FRMD6: variants seen among roughly 807,000 people sequenced by gnomAD.
FRMD6 encodes the protein FERM domain-containing protein 6.
Under a neutral mutation model 73.2 loss-of-function variants are expected in FRMD6, and 37 were observed. The observed-to-expected ratio is 0.51, with a 90% CI of 0.39 to 0.66. The LOEUF (loss-of-function observed/expected upper bound fraction) is 0.66. Ranked by LOEUF, FRMD6 falls within the 30% of genes least tolerant of loss-of-function variation. The pLI is 0.00. For synonymous variants in FRMD6, 273 were observed against 282.2 expected (o/e 0.97, Z 0.33); for missense variants, 714 against 780.5 (o/e 0.91, Z 1.02).
At chr14:51,410,932 A>G in the FRMD6 span, among the ~76,000 whole-genome samples, 1 of 152,236 alleles carries the variant, frequency 6.6e-6, no homozygotes, top group Non-Finnish European at 1.5e-5. Flanking sequence ...CTCAGCATCT[A>G]GCAGAACATC....
chr14:51,433,918 C>T, the FRMD6 span, among the ~76,000 whole-genome samples: 12,000 of 152,232 alleles, frequency 0.079, 516 homozygotes, highest in East Asian at 0.11. Context: ...CCAAAGACTA[C>T]TGTATGCAAG....
chr14:51,603,698 A>G (rs113988889), intron 2 of FRMD6, among the ~76,000 whole-genome samples: 2,591 of 152,246 alleles, frequency 0.017, 73 homozygotes, highest in African/African-American at 0.06. Context: ...ACTGCCAGTC[A>G]CTAGTTACGT....
the FRMD6 span, among the ~76,000 whole-genome samples, chr14:51,461,272 G>A: frequency 6.6e-6 from 1 of 152,192 alleles, no homozygotes; most frequent in East Asian, 1.9e-4. Context: ...CAAGGTACTT[G>A]ACCATTGAAC....
At chr14:51,410,179 G>T in the FRMD6 span, among the ~76,000 whole-genome samples, 1 of 152,162 alleles carries the variant, frequency 6.6e-6, no homozygotes, top group Non-Finnish European at 1.5e-5. Context: ...CCCAAAATTG[G>T]CATTAAAAAA....
chr14:51,664,519 G>A (rs1297896725), intron 1 of FRMD6, among the ~76,000 whole-genome samples: 3 of 152,210 alleles, frequency 2.0e-5, no homozygotes, highest in African/African-American at 7.2e-5. Context: ...TTTTTGGATA[G>A]TTAGAAGCTC....
chr14:51,679,831 T>C (rs1465364408), intron 1 of FRMD6, among the ~76,000 whole-genome samples: 1 of 152,196 alleles, frequency 6.6e-6, no homozygotes, highest in African/African-American at 2.4e-5. Context: ...TGGAGAAATA[T>C]GTTTTTAATC....
the FRMD6 span, among the ~76,000 whole-genome samples, chr14:51,457,554 G>T: frequency 6.6e-6 from 1 of 152,156 alleles, no homozygotes; most frequent in Non-Finnish European, 1.5e-5. Flanking sequence ...TTTTCCTGCA[G>T]ATGATCCTCC....
chr14:51,653,963 A>G (rs868607355), intron 1 of FRMD6, among the ~76,000 whole-genome samples: 2 of 152,108 alleles, frequency 1.3e-5, no homozygotes, highest in Non-Finnish European at 1.5e-5. Context: ...ATATGAACTA[A>G]TTTTCCCCCC....
intron 1 of FRMD6, among the ~76,000 whole-genome samples, chr14:51,521,048 C>T (rs1884929392): frequency 1.3e-5 from 2 of 152,224 alleles, no homozygotes; most frequent in South Asian, 4.1e-4. Context: ...CTGAAAAAGA[C>T]AAATCTAATC....
intron 1 of FRMD6, among the ~76,000 whole-genome samples, chr14:51,516,679 CAAAT>C (rs1489086462): frequency 6.6e-6 from 1 of 152,102 alleles, no homozygotes; most frequent in African/African-American, 2.4e-5. Flanking sequence ...TTCTTAGTCT[CAAAT>C]AAACGTAAAA....
At chr14:51,435,132 C>T in the FRMD6 span, among the ~76,000 whole-genome samples, 2 of 152,122 alleles carry the variant, frequency 1.3e-5, no homozygotes, top group Non-Finnish European at 2.9e-5. Context: ...ACAGCGTCTA[C>T]GGATTAGTTA....
intron 2 of FRMD6, among the ~76,000 whole-genome samples, chr14:51,595,577 G>T (rs1889666045): frequency 6.6e-6 from 1 of 152,146 alleles, no homozygotes; most frequent in Non-Finnish European, 1.5e-5. Context: ...GAGTACATAG[G>T]GTGAACCCTG....
the FRMD6 span, among the ~76,000 whole-genome samples, chr14:51,401,195 T>G: frequency 4.8e-4 from 73 of 152,196 alleles, no homozygotes; most frequent in Non-Finnish European, 9.3e-4. Context: ...TCTGATCCCT[T>G]TATCCTAAAA....
At chr14:51,540,295 G>A (rs74052356) in intron 1 of FRMD6, among the ~76,000 whole-genome samples, 245 of 152,166 alleles carry the variant, frequency 1.6e-3, no homozygotes, top group African/African-American at 5.4e-3. Flanking sequence ...TTGTCAGGCC[G>A]GACAGAAGGA....
chr14:51,417,978 T>C, the FRMD6 span, among the ~76,000 whole-genome samples: 1 of 152,230 alleles, frequency 6.6e-6, no homozygotes, highest in Non-Finnish European at 1.5e-5. Context: ...CATGTAGTTC[T>C]TGTGCCACGG....
At chr14:51,727,668 C>A in intron 13 of FRMD6, 77 bp from the exon 14 acceptor site, 1 of 1,379,490 alleles carries the variant, frequency 7.2e-7, no homozygotes, top group Non-Finnish European at 9.9e-7. Flanking sequence ...TTTTGTGGTT[C>A]TGTAGCATCT....
chr14:51,722,807 T>C (rs1897705380), intron 12 of FRMD6, among the ~76,000 whole-genome samples: 1 of 152,216 alleles, frequency 6.6e-6, no homozygotes, highest in African/African-American at 2.4e-5. Flanking sequence ...ACCAGCACTA[T>C]TGAAATGGCC....
chr14:51,550,779 G>A (rs1314544957), intron 1 of FRMD6, among the ~76,000 whole-genome samples: 3 of 152,178 alleles, frequency 2.0e-5, no homozygotes, highest in Non-Finnish European at 4.4e-5. Flanking sequence ...ATTGTACAGT[G>A]CGTGACAGGG....
At chr14:51,410,183 T>G in the FRMD6 span, among the ~76,000 whole-genome samples, 1 of 152,232 alleles carries the variant, frequency 6.6e-6, no homozygotes, top group East Asian at 1.9e-4. Context: ...AAATTGGCAT[T>G]AAAAAAGTGG....
Sources: gnomAD v4.1 joint callset for allele counts (sites outside exome capture counted in the v4.1 genomes callset) on GRCh38, gnomAD v4.1.1 for gene constraint, MANE v1.5 for transcripts, NCBI Gene and HGNC (gene_info 2026-07-23, HGNC 2026-07-21) for gene names.